The following ADGRB1 variants were observed in gnomAD, a reference collection of about 807,000 sequenced individuals.
The protein encoded by ADGRB1 is brain-specific angiogenesis inhibitor 1.
A neutral mutation model predicts 175.7 loss-of-function variants in ADGRB1; 36 were observed. The ratio of observed to expected loss-of-function variants is 0.20; its 90% CI spans 0.16 to 0.27. The LOEUF (loss-of-function observed/expected upper bound fraction) is 0.27. Among genes scored for constraint, ADGRB1 ranks in the 10% least tolerant of loss-of-function variants. The pLI is 1.00. For missense variants in ADGRB1, 1,731 were observed against 2,255.3 expected (o/e 0.77, Z 4.71); for synonymous variants, 1,054 against 979.4 (o/e 1.08, Z -1.42).
At chr8:142,534,616 T>C (rs921041370) in intron 25 of ADGRB1, among the ~76,000 whole-genome samples, 12 of 152,200 alleles carry the variant, frequency 7.9e-5, no homozygotes, top group Non-Finnish European at 1.2e-4. Context: ...AAACGGCTCC[T>C]GTACCAGTCA....
chr8:142,490,688 C>CTG, intron 16 of ADGRB1, 84 bp from the exon 17 acceptor site: 2 of 1,462,992 alleles, frequency 1.4e-6, no homozygotes, highest in African/African-American at 2.8e-5. Flanking sequence ...TGGTAGCACA[C>CTG]CTTTAGGTGG....
chr8:142,457,537 G>A (rs912027152), intron 1 of ADGRB1, among the ~76,000 whole-genome samples: 3 of 151,910 alleles, frequency 2.0e-5, no homozygotes, highest in Admixed American at 6.5e-5. Context: ...CCTTGGGGGC[G>A]CACCCCCAGG....
chr8:142,512,013 C>T (rs1481012156), intron 18 of ADGRB1, among the ~76,000 whole-genome samples: 2 of 152,262 alleles, frequency 1.3e-5, no homozygotes, highest in Non-Finnish European at 2.9e-5. Flanking sequence ...AGCGCCTAGC[C>T]TCTCGGACAC....
At position 142,484,738 on chromosome 8, in the gene ADGRB1, A is replaced by G. The variant is rs1247575646; in HGVS notation, c.2282A>G (p.Asp761Gly). 1 of 1,610,434 alleles carries G rather than the reference A, an allele frequency of 6.2e-7. No homozygotes were observed. The highest frequency in any genetic ancestry group is 1.7e-5 in the Admixed American group (1 of 59,684). Residue 761 changes from aspartate (D) to glycine (G), a missense_variant, in exon 13 of 31, where the codon GAT becomes GGT. By Grantham distance (94) the Asp-to-Gly change is moderately conservative. Around this residue, in one of 8 missense-constraint regions of ADGRB1, gnomAD observed 388 missense variants for 630.9 expected, o/e 0.61. Coordinates refer to ENST00000517894, the MANE Select transcript of ADGRB1 (RefSeq NM_001702.3). ...GGCTTCCGCATGAAGGACCTGAGGGATGCATACCAGGTGACAGACAACCTG... is the reference window on the plus strand; with the variant it reads ...GGCTTCCGCATGAAGGACCTGAGGGGTGCATACCAGGTGACAGACAACCTG... ...VIGFRMKDLR[D>G]AYQVTDNLVL...
intron 12 of ADGRB1, among the ~76,000 whole-genome samples, 186 bp from the exon 13 acceptor site, chr8:142,484,468 GGC>G (rs1258782179): frequency 6.6e-6 from 1 of 152,232 alleles, no homozygotes; most frequent in Non-Finnish European, 1.5e-5. Flanking sequence ...CCATGGGTGG[GGC>G]ACAGCAGCCC....
chr8:142,450,275 C>T (rs1185681400), intron 1 of ADGRB1, among the ~76,000 whole-genome samples, 171 bp downstream of exon 1: 1 of 149,026 alleles, frequency 6.7e-6, no homozygotes. Context: ...CCACCCCCTA[C>T]CCCCTCAGCC....
rs1472574360 is a variant in ADGRB1 at position 142,522,007 on chromosome 8, C to T, written c.3067C>T (p.Leu1023=). 6.2e-7 allele frequency: 1 copy of T among 1,610,358 alleles called. No individual in the cohort carries two copies. Among genetic ancestry groups the T allele is most frequent in the Non-Finnish European group, 8.5e-7 (1 of 1,178,676 alleles). ...LVAAFLHFFF[L]SSFCWVLTEA... ...GGCCGCCTTCCTGCACTTCTTCTTCCTGTCCTCCTTCTGCTGGGTGCTCAC... is the reference window on the plus strand; with the variant it reads ...GGCCGCCTTCCTGCACTTCTTCTTCTTGTCCTCCTTCTGCTGGGTGCTCAC... The change falls in exon 21 of 31, where the codon CTG becomes TTG. Residue 1023 remains leucine (L), a synonymous_variant. Transcript: ENST00000517894.
chr8:142,460,479 G>C (rs780956046), intron 1 of ADGRB1, among the ~76,000 whole-genome samples: 4 of 152,212 alleles, frequency 2.6e-5, no homozygotes, highest in African/African-American at 9.6e-5. Context: ...AGCTCAGTCC[G>C]AGATGTTCTA....
chr8:142,465,896 G>A (rs1335340229), intron 2 of ADGRB1, among the ~76,000 whole-genome samples: 1 of 152,198 alleles, frequency 6.6e-6, no homozygotes. Flanking sequence ...CCAGTCCTGT[G>A]GGGCTGCCAG....
intron 1 of ADGRB1, among the ~76,000 whole-genome samples, chr8:142,457,250 T>C (rs1839732400): frequency 6.6e-6 from 1 of 152,220 alleles, no homozygotes; most frequent in Non-Finnish European, 1.5e-5. Flanking sequence ...TCTGGGCCTG[T>C]ATCCACGTCT....
chr8:142,522,497 C>G (rs1233712748), intron 21 of ADGRB1, 144 bp from the exon 22 acceptor site: 2 of 811,550 alleles, frequency 2.5e-6, no homozygotes, highest in Non-Finnish European at 3.8e-6. Context: ...CACCTCCTGC[C>G]CCATCTCTTG....
At chr8:142,538,982 TCACA>T (rs1845102961) in intron 26 of ADGRB1, among the ~76,000 whole-genome samples, 1 of 152,034 alleles carries the variant, frequency 6.6e-6, no homozygotes, top group Non-Finnish European at 1.5e-5. Context: ...ACAAACAGTC[TCACA>T]CACACCTCAG....
At chr8:142,463,426 A>G (rs990042599) in intron 1 of ADGRB1, among the ~76,000 whole-genome samples, 3 of 152,228 alleles carry the variant, frequency 2.0e-5, no homozygotes, top group Non-Finnish European at 2.9e-5. Flanking sequence ...CGGGGGCCAG[A>G]CGGGAGGCTG....
At chr8:142,538,390 G>T (rs1325221388) in intron 26 of ADGRB1, among the ~76,000 whole-genome samples, 2 of 152,184 alleles carry the variant, frequency 1.3e-5, no homozygotes, top group African/African-American at 4.8e-5. Flanking sequence ...GTCCAGGCAG[G>T]CCCCTCATGG....
intron 20 of ADGRB1, 148 bp from the exon 21 acceptor site, chr8:142,521,817 C>G (rs1170645040): frequency 2.5e-5 from 21 of 854,524 alleles, no homozygotes; most frequent in East Asian, 5.3e-5. Context: ...ACCAGGTGAT[C>G]TCTGGATTGC....
chr8:142,507,198 G>T (rs551662052), intron 17 of ADGRB1, among the ~76,000 whole-genome samples: 2 of 152,314 alleles, frequency 1.3e-5, no homozygotes, highest in South Asian at 4.1e-4. Context: ...AGCCATTATC[G>T]TGGAGGTGCA....
intron 1 of ADGRB1, among the ~76,000 whole-genome samples, chr8:142,458,791 G>A (rs1036831349): frequency 1.3e-5 from 2 of 152,228 alleles, no homozygotes; most frequent in African/African-American, 4.8e-5. Context: ...TGATGAGAAA[G>A]GCAGGAACCT....
chr8:142,544,113 T>A, intron 30 of ADGRB1, 107 bp from the exon 31 acceptor site: 3 of 1,196,580 alleles, frequency 2.5e-6, no homozygotes, highest in African/African-American at 1.6e-5. Context: ...GTCCCCCACC[T>A]CCCGTCCCTT....
chr8:142,481,686 A>T lies in ADGRB1; in HGVS notation c.2105A>T (p.Tyr702Phe). ...NMTEIFRRAY[Y>F]SPTPGDVQNF... ...ACAGAGATTTTCCGGAGAGCGTACT[A>T]CAGCCCCACCCCTGGGGACGTACAG... The change falls in exon 11 of 31, where the codon TAC becomes TTC. Residue 702 changes from tyrosine to phenylalanine, a missense_variant. Tyr to Phe is a conservative substitution (Grantham distance 22). This residue lies in a region of ADGRB1 where 388 missense variants were observed against 630.9 expected (regional missense o/e 0.61). Coordinates refer to ENST00000517894, the MANE Select transcript of ADGRB1 (RefSeq NM_001702.3). 1 of 1,593,414 alleles carries T rather than the reference A, an allele frequency of 6.3e-7. No individual in the cohort carries two copies. The highest frequency in any genetic ancestry group is 8.6e-7 in the Non-Finnish European group (1 of 1,167,470).
Sources: gnomAD v4.1 joint callset for allele counts (sites outside exome capture counted in the v4.1 genomes callset) on GRCh38, gnomAD v4.1.1 for gene constraint, gnomAD v4.1.1 regional missense constraint, MANE v1.5 for transcripts, NCBI Gene and HGNC (gene_info 2026-07-23, HGNC 2026-07-21) for gene names.